The following LAMB4 variants were observed in gnomAD, a reference collection of about 807,000 sequenced individuals.
LAMB4 encodes the protein laminin subunit beta 4, also known as laminin subunit beta-4.
In LAMB4, 196 loss-of-function variants were observed where a neutral mutation model predicts 199.2. That is an observed-to-expected ratio of 0.98 (90% CI 0.88 to 1.11). The LOEUF (loss-of-function observed/expected upper bound fraction) is 1.11, where lower values mean the gene tolerates loss of function less well. Ranked by LOEUF, LAMB4 falls within the 50% of genes least tolerant of loss-of-function variation. LAMB4 has a pLI of 0.00. For synonymous variants in LAMB4, 744 were observed against 770.6 expected (o/e 0.97, Z 0.57); for missense variants, 2,080 against 2,171.2 (o/e 0.96, Z 0.83).
intron 14 of LAMB4, among the ~76,000 whole-genome samples, chr7:108,085,697 T>C (rs1305025729): frequency 6.6e-6 from 1 of 152,130 alleles, no homozygotes; most frequent in East Asian, 1.9e-4. Context: ...CACTGCAAGC[T>C]CTGCCTCCCG....
chr7:108,047,924 C>T lies in LAMB4; in HGVS notation c.4310G>A (p.Arg1437His), dbSNP rs765033972. ...SIIRNLDKQV[R>H]GLKNQIESIS... The stretch of plus-strand genomic sequence containing the variant: ...GATATTTACCTGATTTTTCAACCCA[C>T]GAACCTGTTTGTCCAAATTACGAAT... The change falls in exon 28 of 34, where the codon CGT becomes CAT. Residue 1437 changes from arginine to histidine, a missense_variant. Physicochemically the swap from Arg to His is conservative, Grantham distance 29 (BLOSUM62 0). Coordinates refer to ENST00000388781, the MANE Select transcript of LAMB4 (RefSeq NM_007356.3). 59 of 1,613,832 alleles carry T rather than the reference C, an allele frequency of 3.7e-5. No homozygotes were observed. The highest frequency in any genetic ancestry group is 1.6e-4 in the Middle Eastern group (1 of 6,082).
rs1233953442 is a variant in LAMB4 at position 108,048,111 on chromosome 7, C to T, written c.4123G>A (p.Val1375Met). Reference protein sequence around the residue: ...IPDIQILNEKVCGDPGNVPCV... With the variant: ...IPDIQILNEKMCGDPGNVPCV... ...GGCACATTTCCTGGATCTCCGCACA[C>T]CTTGCAAGAGAAATGATTTACGTTA... is the stretch of plus-strand genomic sequence containing the variant. The change falls in exon 28 of 34, where the codon GTG becomes ATG. Residue 1375 changes from valine to methionine, a missense_variant and splice_region_variant. Physicochemically the swap from Val to Met is conservative, Grantham distance 21. Coordinates refer to ENST00000388781, the MANE Select transcript of LAMB4 (RefSeq NM_007356.3). 10 of 1,597,680 alleles carry T rather than the reference C, an allele frequency of 6.3e-6. No homozygotes were observed. Among genetic ancestry groups the T allele is most frequent in the Non-Finnish European group, 8.6e-6 (10 of 1,168,054 alleles).
At chr7:108,021,633 C>T (rs754488410), downstream of LAMB4, among the ~76,000 whole-genome samples, 2 of 150,726 alleles carry the variant, frequency 1.3e-5, no homozygotes, top group African/African-American at 2.4e-5. Context: ...CGCATGAAGC[C>T]GGGAGGCTGA....
At position 108,092,262 on chromosome 7, in the gene LAMB4, A is replaced by C. The variant is rs2037436337; in HGVS notation, c.1550+75T>G. 17 of 1,120,932 alleles carry C rather than the reference A, an allele frequency of 1.5e-5. No homozygotes were observed. The Admixed American group carries it at 3.2e-4, about 21-fold the overall frequency. The allele number at this position is 1,120,932 out of a possible 1,614,324, so 69.4% of individuals were successfully genotyped here. A position where few individuals can be genotyped will look rare whatever the true frequency, so the allele number is the denominator to read the frequency against. Reference sequence around the variant, plus strand: ...CATGGAATGAAATTTTTCACCTATGACTATGAGCGTATCAGAATAAAATGT... The same window carrying C: ...CATGGAATGAAATTTTTCACCTATGCCTATGAGCGTATCAGAATAAAATGT... On this transcript the variant is annotated intron_variant, in intron 13 of 33. Transcript: ENST00000388781.
At chr7:108,025,866 G>A (rs939866356) in intron 33 of LAMB4, among the ~76,000 whole-genome samples, 3 of 152,154 alleles carry the variant, frequency 2.0e-5, no homozygotes, top group Non-Finnish European at 2.9e-5. Flanking sequence ...AGACCCATTC[G>A]CCATCCTCGT....
At chr7:108,015,488 T>G in the LAMB4 span, among the ~76,000 whole-genome samples, 6 of 152,226 alleles carry the variant, frequency 3.9e-5, no homozygotes, top group Non-Finnish European at 7.3e-5. Context: ...AAATTGGATA[T>G]TCACTTTAAC....
rs367613049 is a variant in LAMB4 at position 108,048,045 on chromosome 7, G to A, written c.4189C>T (p.Arg1397Trp). 4.3e-5 allele frequency: 70 copies of A among 1,613,976 alleles called. No homozygotes were observed. Among genetic ancestry groups the A allele is most frequent in the Admixed American group, 1.5e-4 (9 of 59,994 alleles). ...CCCCTACACTTCCTGTGCCCCTTCC[G>A]GCCCGTGCAGAGAGCACCGCCACAG... ...LPCGGALCTG[R>W]KGHRKCRGPG... Residue 1397 changes from arginine (R) to tryptophan (W), a missense_variant, in exon 28 of 34, where the codon CGG becomes TGG. Physicochemically the swap from Arg to Trp is moderately radical, Grantham distance 101. Transcript: ENST00000388781.
intron 2 of LAMB4, among the ~76,000 whole-genome samples, chr7:108,118,083 T>C (rs892590589): frequency 2.6e-5 from 4 of 152,208 alleles, no homozygotes; most frequent in Non-Finnish European, 4.4e-5. Flanking sequence ...AAGATGGAGT[T>C]GTTCTGGTTC....
At chr7:108,107,889 T>C in intron 5 of LAMB4, 70 bp from the exon 6 acceptor site, 1 of 1,086,700 alleles carries the variant, frequency 9.2e-7, no homozygotes, top group East Asian at 2.6e-5. Context: ...AGATTGAATA[T>C]TTGTATTTTC....
chr7:108,055,980 T>TA lies in LAMB4; in HGVS notation c.3406_3407insT (p.Gln1136LeufsTer6). ...TGTGTCTGGATCACAGATGGGCTTC[T>TA]GGGTACCTGCCCTGTTACAATCACA... On this transcript the variant is annotated frameshift_variant, in exon 25 of 34. Transcript: ENST00000388781. LOFTEE classifies it high-confidence loss of function. 6.2e-7 allele frequency: 1 copy of TA among 1,613,760 alleles called. No homozygotes were observed.
At chr7:108,083,038 T>A (rs1335857171) in intron 14 of LAMB4, among the ~76,000 whole-genome samples, 1 of 152,176 alleles carries the variant, frequency 6.6e-6, no homozygotes, top group East Asian at 1.9e-4. Context: ...ATGTAGATAT[T>A]GATATGCAAA....
At chr7:108,056,835 T>C (rs1312584884) in intron 24 of LAMB4, among the ~76,000 whole-genome samples, 1 of 152,002 alleles carries the variant, frequency 6.6e-6, no homozygotes, top group Non-Finnish European at 1.5e-5. Flanking sequence ...CCAGGTGTGG[T>C]GGCATACACA....
intron 6 of LAMB4, 31 bp downstream of exon 6, chr7:108,107,600 T>C (rs367917834): frequency 8.0e-5 from 120 of 1,508,616 alleles, no homozygotes; most frequent in Non-Finnish European, 1.0e-4. Flanking sequence ...GTTTAATTTA[T>C]ACAAAATAAA....
rs1192785520 is a variant in LAMB4, at chr7:108,049,549, GAAGT to G, written c.3917-22_3917-19del. ...TGAGGAGTCTACGTCAATGCAAATT[GAAGT>G]AAGGTAAATTTTGTGAAAACAAATG... is the stretch of plus-strand genomic sequence containing the variant. On this transcript the variant is annotated intron_variant, in intron 26 of 33. Coordinates refer to ENST00000388781, the MANE Select transcript of LAMB4 (RefSeq NM_007356.3). 5 of 1,441,848 alleles carry G rather than the reference GAAGT, an allele frequency of 3.5e-6. No homozygotes were observed. The highest frequency in any genetic ancestry group is 4.8e-6 in the Non-Finnish European group (5 of 1,051,726). 89.3% of individuals were successfully genotyped at this position (1,441,848 alleles called of 1,614,324 possible).
At chr7:108,088,891 GA>G (rs988249477) in intron 14 of LAMB4, among the ~76,000 whole-genome samples, 2 of 152,136 alleles carry the variant, frequency 1.3e-5, no homozygotes, top group African/African-American at 4.8e-5. Flanking sequence ...GGTCTAAAAG[GA>G]ATGTGTGTTT....
At chr7:108,017,819 C>A in the LAMB4 span, among the ~76,000 whole-genome samples, 1 of 152,138 alleles carries the variant, frequency 6.6e-6, no homozygotes, top group African/African-American at 2.4e-5. Flanking sequence ...TTGAAGGATT[C>A]CTGTAATATC....
chr7:108,078,185 C>A lies in LAMB4; in HGVS notation c.2003+16G>T. 1 of 1,505,784 alleles carries A rather than the reference C, an allele frequency of 6.6e-7. No individual in the cohort carries two copies. Among genetic ancestry groups the A allele is most frequent in the African/African-American group, 1.4e-5 (1 of 73,084 alleles). The allele number at this position is 1,505,784 out of a possible 1,614,324, so 93.3% of individuals were successfully genotyped here. On this transcript the variant is annotated intron_variant, in intron 16 of 33. Coordinates refer to ENST00000388781, the MANE Select transcript of LAMB4 (RefSeq NM_007356.3). ...CTAAGAAGCTTTCAATGTTTGAGGA[C>A]CGGTCTGAAACATACCTCGTAGCCG... is the stretch of plus-strand genomic sequence containing the variant.
chr7:108,120,475 A>G (rs2038560393), intron 2 of LAMB4, among the ~76,000 whole-genome samples: 1 of 152,224 alleles, frequency 6.6e-6, no homozygotes, highest in Non-Finnish European at 1.5e-5. Flanking sequence ...CAATGTAAAG[A>G]TTATTATTCT....
intron 21 of LAMB4, among the ~76,000 whole-genome samples, chr7:108,064,961 A>G (rs1280303812): frequency 6.8e-6 from 1 of 146,034 alleles, no homozygotes; most frequent in Non-Finnish European, 1.5e-5. Context: ...GCTGGAGTGT[A>G]GTGGCATAAT....
Sources: allele counts gnomAD v4.1 joint callset (sites outside exome capture counted in the v4.1 genomes callset), GRCh38; gene constraint gnomAD v4.1.1; transcripts MANE v1.5; gene names NCBI Gene and HGNC (gene_info 2026-07-23, HGNC 2026-07-21).